The following GJA1 variants were observed in gnomAD, a reference collection of about 807,000 sequenced individuals.
The protein encoded by GJA1 is gap junction protein alpha 1, also known as gap junction alpha-1 protein.
GJA1 carries 9 observed loss-of-function variants against 31.0 expected under a neutral mutation model. That is an observed-to-expected ratio of 0.29 (90% CI 0.17 to 0.51). The LOEUF (loss-of-function observed/expected upper bound fraction) is 0.51. Ranked by LOEUF, GJA1 falls within the 20% of genes least tolerant of loss-of-function variation. The pLI, the probability that GJA1 is intolerant of heterozygous loss-of-function variation, is 0.98. For missense variants in GJA1, 278 were observed against 468.8 expected (o/e 0.59, Z 3.76); for synonymous variants, 186 against 180.1 (o/e 1.03, Z -0.26).
chr6:121,437,097 G>A (rs1040484184), intron 1 of GJA1, among the ~76,000 whole-genome samples: 1 of 152,194 alleles, frequency 6.6e-6, no homozygotes, highest in African/African-American at 2.4e-5. Flanking sequence ...GGACGGGCGC[G>A]GGGCGCCTCC....
intron 1 of GJA1, among the ~76,000 whole-genome samples, chr6:121,446,094 G>A (rs1175124285): frequency 6.6e-6 from 1 of 152,068 alleles, no homozygotes; most frequent in East Asian, 1.9e-4. Context: ...TCAGGAGTTC[G>A]AGACCAGCCT....
At chr6:121,437,899 C>T (rs1773696169) in intron 1 of GJA1, among the ~76,000 whole-genome samples, 1 of 152,150 alleles carries the variant, frequency 6.6e-6, no homozygotes. Flanking sequence ...TGAAAAGTGT[C>T]CCTGTGAGGA....
At chr6:121,440,321 T>C (rs1773748695) in intron 1 of GJA1, among the ~76,000 whole-genome samples, 1 of 152,148 alleles carries the variant, frequency 6.6e-6, no homozygotes, top group Non-Finnish European at 1.5e-5. Flanking sequence ...CTCATTAGGA[T>C]CTCATTTAAC....
chr6:121,447,576 G>A lies in GJA1; in HGVS notation c.729G>A (p.Lys243=), dbSNP rs550138040. Residue 243 remains lysine (K), a synonymous_variant, in exon 2 of 2, where the codon AAG becomes AAA. Coordinates refer to ENST00000282561, the MANE Select transcript of GJA1 (RefSeq NM_000165.5). ...GCGTTAAGGATCGGGTTAAGGGAAA[G>A]AGCGACCCTTACCATGCGACCAGTG... The part of the protein sequence containing the change: ...FKGVKDRVKG[K]SDPYHATSGA... 9 of 1,613,998 alleles carry A rather than the reference G, an allele frequency of 5.6e-6. No individual in the cohort carries two copies. Among genetic ancestry groups the A allele is most frequent in the Middle Eastern group, 1.6e-4 (1 of 6,062 alleles).
At chr6:121,441,260 T>G (rs1382519277) in intron 1 of GJA1, among the ~76,000 whole-genome samples, 1 of 152,074 alleles carries the variant, frequency 6.6e-6, no homozygotes, top group Non-Finnish European at 1.5e-5. Context: ...TCTACTTTTT[T>G]GTGTTTTTAG....
At chr6:121,438,639 T>C (rs118151014) in intron 1 of GJA1, among the ~76,000 whole-genome samples, 1 of 152,214 alleles carries the variant, frequency 6.6e-6, no homozygotes, top group Admixed American at 6.5e-5. Context: ...ATCTTCAGGA[T>C]TCTCAGTTAT....
At chr6:121,443,604 T>A (rs1243830687) in intron 1 of GJA1, among the ~76,000 whole-genome samples, 1 of 152,208 alleles carries the variant, frequency 6.6e-6, no homozygotes, top group Non-Finnish European at 1.5e-5. Context: ...AATTTTTTTA[T>A]AGAATGTAAA....
Position 121,447,063 on chromosome 6 carries a change from C to T in GJA1, c.216C>T (p.Ile72=), listed in dbSNP as rs575737793. 1.9e-6 allele frequency: 3 copies of T among 1,611,026 alleles called. 1 individual carries two copies. The South Asian group carries it at 3.3e-5, about 18-fold the overall frequency. The part of the protein sequence containing the change: ...ENVCYDKSFP[I]SHVRFWVLQI... ...TCTGCTATGACAAGTCTTTCCCAATCTCTCATGTGCGCTTCTGGGTCCTGC... is the reference window on the plus strand; with the variant it reads ...TCTGCTATGACAAGTCTTTCCCAATTTCTCATGTGCGCTTCTGGGTCCTGC... The change falls in exon 2 of 2, where the codon ATC becomes ATT. Residue 72 remains isoleucine, a synonymous_variant. Transcript: ENST00000282561.
chr6:121,448,558 T>G lies in GJA1; in HGVS notation c.*562T>G, dbSNP rs903008662. ...TGTCAATGGACTTGTGCTACTATAT[T>G]TTTTTATTCTTGGTATCAGTTTAAA... On this transcript the variant is annotated 3_prime_UTR_variant, in exon 2 of 2. Coordinates refer to ENST00000282561, the MANE Select transcript of GJA1 (RefSeq NM_000165.5). 4.7e-5 allele frequency: 8 copies of G among 170,820 alleles called. No individual in the cohort carries two copies. The highest frequency in any genetic ancestry group is 1.9e-4 in the African/African-American group (8 of 41,434). 10.6% of individuals were successfully genotyped at this position (170,820 alleles called of 1,614,324 possible).
At chr6:121,442,248 C>A (rs189657564) in intron 1 of GJA1, among the ~76,000 whole-genome samples, 1 of 152,034 alleles carries the variant, frequency 6.6e-6, no homozygotes, top group South Asian at 2.1e-4. Context: ...TATTTAAAGT[C>A]GATAGTAAAA....
chr6:121,445,431 G>A (rs1206910366), intron 1 of GJA1, among the ~76,000 whole-genome samples: 1 of 152,192 alleles, frequency 6.6e-6, no homozygotes, highest in Non-Finnish European at 1.5e-5. Flanking sequence ...CATTATAGGC[G>A]TGAGCCACCA....
chr6:121,438,901 G>A (rs1003201345), intron 1 of GJA1, among the ~76,000 whole-genome samples: 4 of 148,902 alleles, frequency 2.7e-5, no homozygotes, highest in African/African-American at 1.0e-4. Context: ...TTTTCAAACT[G>A]TGGTTAGCTC....
intron 1 of GJA1, among the ~76,000 whole-genome samples, chr6:121,440,603 A>G (rs896410169): frequency 2.0e-5 from 3 of 151,930 alleles, no homozygotes; most frequent in African/African-American, 7.2e-5. Context: ...TTTGAGATAT[A>G]ACTACAATTA....
chr6:121,440,208 T>C lies in GJA1; in HGVS notation c.-17+4376T>C, dbSNP rs1316827287. On this transcript the variant is annotated intron_variant, in intron 1 of 1. Transcript: ENST00000282561. ...ACAACCACACAGTTGTGTTTTTTCCTTTTTTTTTTTGTTTTGTGTTTTAAA... is the reference window on the plus strand; with the variant it reads ...ACAACCACACAGTTGTGTTTTTTCCCTTTTTTTTTTGTTTTGTGTTTTAAA... Among the ~76,000 whole-genome samples, 7 of 110,016 alleles carry C rather than the reference T, an allele frequency of 6.4e-5. No individual in the cohort carries two copies. In the East Asian group the frequency reaches 2.3e-3, roughly 37 times the overall value. The allele number at this position is 110,016 out of a possible 152,430, so 72.2% of individuals were successfully genotyped here. A position where few individuals can be genotyped will look rare whatever the true frequency, so the allele number is the denominator to read the frequency against.
At chr6:121,440,884 G>A (rs113413235) in intron 1 of GJA1, among the ~76,000 whole-genome samples, 15,785 of 151,816 alleles carry the variant, frequency 0.1, 1,056 homozygotes, top group South Asian at 0.19. Flanking sequence ...TGGGATTACA[G>A]GCACCCGCCA....
chr6:121,447,973 C>T lies in GJA1; in HGVS notation c.1126C>T (p.Arg376Trp), dbSNP rs1212579631. ...RASSRASSRPRPDDLEI is the reference protein window; with the variant it reads ...RASSRASSRPWPDDLEI ...CAGCAGTCGTGCCAGCAGCAGACCT[C>T]GGCCTGATGACCTGGAGATCTAGAT... The change falls in exon 2 of 2, where the codon CGG (arginine) becomes TGG (tryptophan). Residue 376 changes from arginine (R) to tryptophan (W), a missense_variant. Coordinates refer to ENST00000282561, the MANE Select transcript of GJA1 (RefSeq NM_000165.5). The T allele has an allele frequency of 4.3e-6, 7 of 1,613,152 alleles. No individual in the cohort carries two copies. The highest frequency in any genetic ancestry group is 2.2e-5 in the East Asian group (1 of 44,876).
At position 121,449,677 on chromosome 6, in the gene GJA1, G is replaced by A. The variant is rs1773951765; in HGVS notation, c.*1681G>A. The stretch of plus-strand genomic sequence containing the variant: ...GTAGACCTAGTCCATCAGATCATGT[G>A]TTCTGGAGAGTGTTCTTTATTCAAT... On this transcript the variant is annotated 3_prime_UTR_variant, in exon 2 of 2. Coordinates refer to ENST00000282561, the MANE Select transcript of GJA1 (RefSeq NM_000165.5). 2 of 167,070 alleles carry A rather than the reference G, an allele frequency of 1.2e-5. No individual in the cohort carries two copies. Among genetic ancestry groups the A allele is most frequent in the African/African-American group, 4.8e-5 (2 of 41,444 alleles). 10.3% of individuals were successfully genotyped at this position (167,070 alleles called of 1,614,324 possible).
At chr6:121,441,168 G>GGTCT (rs1245386012) in intron 1 of GJA1, among the ~76,000 whole-genome samples, 2 of 152,104 alleles carry the variant, frequency 1.3e-5, no homozygotes, top group African/African-American at 2.4e-5. Context: ...TAGCCAGGAT[G>GGTCT]GTCTCTATCT....
At chr6:121,440,865 C>T (rs908114813) in intron 1 of GJA1, among the ~76,000 whole-genome samples, 2 of 152,098 alleles carry the variant, frequency 1.3e-5, no homozygotes, top group Non-Finnish European at 2.9e-5. Context: ...CCTCAGCCTC[C>T]AGAGTAGCTG....
Sources: gnomAD v4.1 joint callset for allele counts (sites outside exome capture counted in the v4.1 genomes callset) on GRCh38, gnomAD v4.1.1 for gene constraint, MANE v1.5 for transcripts, NCBI Gene and HGNC (gene_info 2026-07-23, HGNC 2026-07-21) for gene names.